RALGAPA1: variants seen among roughly 807,000 people sequenced by gnomAD.
RALGAPA1 encodes the protein ral GTPase-activating protein subunit alpha-1.
Under a neutral mutation model 269.6 loss-of-function variants are expected in RALGAPA1, and 52 were observed. The observed-to-expected ratio is 0.19, with a 90% CI of 0.15 to 0.24. RALGAPA1 has a LOEUF of 0.24. Among genes scored for constraint, RALGAPA1 ranks in the 10% least tolerant of loss-of-function variants. The pLI, the probability that RALGAPA1 is intolerant of heterozygous loss-of-function variation, is 1.00. For missense variants in RALGAPA1, 1,917 were observed against 3,013.9 expected (o/e 0.64, Z 8.52); for synonymous variants, 817 against 1,008.3 (o/e 0.81, Z 3.60).
At chr14:35,552,729 A>AT (rs555456297) in intron 39 of RALGAPA1, among the ~76,000 whole-genome samples, 111 of 152,154 alleles carry the variant, frequency 7.3e-4, no homozygotes, top group African/African-American at 2.6e-3. Context: ...CAAAAAAAAA[A>AT]AAAAAATAAC....
chr14:35,613,044 G>A (rs2060052878), intron 35 of RALGAPA1, among the ~76,000 whole-genome samples: 1 of 151,400 alleles, frequency 6.6e-6, no homozygotes, highest in Admixed American at 6.6e-5. Flanking sequence ...GAACTTTAAA[G>A]TCAATAGTAA....
intron 37 of RALGAPA1, among the ~76,000 whole-genome samples, chr14:35,580,709 T>C (rs1462329807): frequency 6.6e-6 from 1 of 152,192 alleles, no homozygotes; most frequent in Non-Finnish European, 1.5e-5. Flanking sequence ...ACAAATCACA[T>C]ATTTTAAATA....
At chr14:35,680,943 CACTT>C (rs1295453286) in intron 21 of RALGAPA1, among the ~76,000 whole-genome samples, 1 of 152,102 alleles carries the variant, frequency 6.6e-6, no homozygotes, top group East Asian at 1.9e-4. Flanking sequence ...TATAATGGCT[CACTT>C]ACTTAAGAGG....
intron 31 of RALGAPA1, among the ~76,000 whole-genome samples, chr14:35,645,714 A>G (rs190188558): frequency 0.01 from 1,511 of 145,122 alleles, 13 homozygotes; most frequent in Non-Finnish European, 0.015. Flanking sequence ...TGGGCGACAG[A>G]GCGAGACTCC....
intron 31 of RALGAPA1, among the ~76,000 whole-genome samples, chr14:35,646,041 A>G (rs1566911225): frequency 6.6e-6 from 1 of 152,192 alleles, no homozygotes; most frequent in African/African-American, 2.4e-5. Context: ...ATTGCATAAA[A>G]TCAGAATCAT....
rs148345890 is a variant in RALGAPA1 at position 35,596,472 on chromosome 14, G to A, written c.7054-683C>T. The stretch of plus-strand genomic sequence containing the variant: ...GGAGAATAAAAAAAAATTGAAAATC[G>A]CCAGTATTTCCCTACTTAGAGAAAA... On this transcript the variant is annotated intron_variant, in intron 36 of 41. Transcript: ENST00000680220. Among the ~76,000 whole-genome samples, 35 of 151,938 alleles carry A rather than the reference G, an allele frequency of 2.3e-4. 1 individual carries two copies. The East Asian group carries it at 6.2e-3, about 27-fold the overall frequency.
At chr14:35,561,511 T>G (rs911454356) in intron 39 of RALGAPA1, among the ~76,000 whole-genome samples, 24 of 136,624 alleles carry the variant, frequency 1.8e-4, no homozygotes, top group African/African-American at 6.6e-4. Flanking sequence ...TAGGAGTTTT[T>G]TTTTTTTTTT....
At chr14:35,638,842 T>A (rs2061826965) in intron 31 of RALGAPA1, among the ~76,000 whole-genome samples, 1 of 151,846 alleles carries the variant, frequency 6.6e-6, no homozygotes, top group Admixed American at 6.6e-5. Flanking sequence ...AGGTGAATCG[T>A]TTGAACCCAG....
At chr14:35,735,039 A>T (rs955942729) in intron 12 of RALGAPA1, among the ~76,000 whole-genome samples, 7 of 151,974 alleles carry the variant, frequency 4.6e-5, no homozygotes, top group South Asian at 2.1e-4. Flanking sequence ...TAATAATAAA[A>T]AAAAAAAAAA....
rs142256727 is a variant in RALGAPA1 at position 35,617,974 on chromosome 14, A to G, written c.6929+7387T>C. On this transcript the variant is annotated intron_variant, in intron 35 of 41. Transcript: ENST00000680220. ...TACTAGTATCTATTTAGAAGTCTCA[A>G]TGAAATGGATTTTTAGAAAATAGAA... 3.5e-4 allele frequency among the ~76,000 whole-genome samples: 54 copies of G among 152,266 alleles called. 1 individual carries two copies. Among genetic ancestry groups the G allele is most frequent in the African/African-American group, 1.1e-3 (44 of 41,580 alleles).
intron 7 of RALGAPA1, 183 bp downstream of exon 7, chr14:35,756,610 C>T (rs1400868852): frequency 5.2e-6 from 2 of 384,684 alleles, no homozygotes; most frequent in East Asian, 8.7e-5. Context: ...TGGTTGATTA[C>T]ACTTGTAAAA....
intron 39 of RALGAPA1, among the ~76,000 whole-genome samples, chr14:35,555,367 T>C (rs1414731252): frequency 6.6e-6 from 1 of 152,188 alleles, no homozygotes; most frequent in African/African-American, 2.4e-5. Flanking sequence ...AAACTAATTC[T>C]ATTTGCTTAA....
intron 35 of RALGAPA1, among the ~76,000 whole-genome samples, chr14:35,624,759 C>A (rs574202212): frequency 1.1e-4 from 17 of 152,072 alleles, no homozygotes; most frequent in Admixed American, 2.0e-4. Flanking sequence ...AAACTTGCTT[C>A]CCAATCTGTC....
intron 1 of RALGAPA1, among the ~76,000 whole-genome samples, chr14:35,783,762 T>C (rs1050248988): frequency 1.1e-4 from 16 of 152,300 alleles, no homozygotes; most frequent in Middle Eastern, 3.4e-3. Flanking sequence ...GATTTGAATA[T>C]ATATTTCTCC....
At chr14:35,560,193 A>G (rs1014043862) in intron 39 of RALGAPA1, among the ~76,000 whole-genome samples, 4 of 152,214 alleles carry the variant, frequency 2.6e-5, no homozygotes, top group South Asian at 4.1e-4. Flanking sequence ...TACCTTAGAC[A>G]CTGGCTGCCA....
At chr14:35,695,283 G>A (rs1344498269) in intron 17 of RALGAPA1, among the ~76,000 whole-genome samples, 1 of 151,820 alleles carries the variant, frequency 6.6e-6, no homozygotes, top group East Asian at 1.9e-4. Context: ...CAGATTACAA[G>A]TGGAAAATAT....
chr14:35,785,909 G>A (rs762463787), intron 1 of RALGAPA1, among the ~76,000 whole-genome samples: 1 of 152,154 alleles, frequency 6.6e-6, no homozygotes, highest in Non-Finnish European at 1.5e-5. Context: ...CAGGCACAGT[G>A]GCTTATGCCT....
Position 35,634,663 on chromosome 14 carries a change from G to T in RALGAPA1, c.5906C>A (p.Pro1969His). 6.2e-7 allele frequency: 1 copy of T among 1,613,578 alleles called. No individual in the cohort carries two copies. Among genetic ancestry groups the T allele is most frequent in the Non-Finnish European group, 8.5e-7 (1 of 1,179,684 alleles). ...LSDLASVDYD[P>H]FMHLESLKEP... Reference sequence around the variant, plus strand: ...TTTCAGACTTTCCAAATGCATAAAAGGATCATAATCTACAGATGCCAAATC... The same window carrying T: ...TTTCAGACTTTCCAAATGCATAAAATGATCATAATCTACAGATGCCAAATC... The change falls in exon 33 of 42, where the codon CCT becomes CAT. Residue 1969 changes from proline to histidine, a missense_variant. By Grantham distance (77) the Pro-to-His change is moderately conservative (BLOSUM62 -2). This residue lies in a region of RALGAPA1 where 346 missense variants were observed against 566.1 expected (regional missense o/e 0.61). Transcript: ENST00000680220.
Position 35,634,586 on chromosome 14 carries a change from G to C in RALGAPA1, c.5983C>G (p.Pro1995Ala), listed in dbSNP as rs2061554415. The change falls in exon 33 of 42, where the codon CCA becomes GCA. Residue 1995 changes from proline (P) to alanine (A), a missense_variant. Physicochemically the swap from Pro to Ala is conservative, Grantham distance 27. This residue lies in a region of RALGAPA1 where 346 missense variants were observed against 566.1 expected (regional missense o/e 0.61). Coordinates refer to ENST00000680220, the MANE Select transcript of RALGAPA1 (RefSeq NM_001346249.2). The part of the protein sequence containing the change: ...PDSERSSKLQ[P>A]VTEVKTQMQH... ...GAATTCATGTTACCTTCTGTTACTG[G>C]CTGGAGTTTAGAAGATCGTTCTGAG... 1 of 1,610,306 alleles carries C rather than the reference G, an allele frequency of 6.2e-7. No individual in the cohort carries two copies. Among genetic ancestry groups the C allele is most frequent in the South Asian group, 1.1e-5 (1 of 90,492 alleles).
Sources: gnomAD v4.1 joint callset for allele counts (sites outside exome capture counted in the v4.1 genomes callset) on GRCh38, gnomAD v4.1.1 for gene constraint, gnomAD v4.1.1 regional missense constraint, MANE v1.5 for transcripts, NCBI Gene and HGNC (gene_info 2026-07-23, HGNC 2026-07-21) for gene names.